Variants in DPP10 observed in about 807,000 individuals in gnomAD.
The protein encoded by DPP10 is dipeptidyl peptidase like 10, also known as inactive dipeptidyl peptidase 10.
In DPP10, 33 loss-of-function variants were observed where a neutral mutation model predicts 120.9. The observed-to-expected ratio is 0.27, with a 90% CI of 0.21 to 0.37. The LOEUF is 0.37. Ranked by LOEUF, DPP10 falls within the 10% of genes least tolerant of loss-of-function variation. The pLI is 1.00. For synonymous variants in DPP10, 337 were observed against 326.1 expected (o/e 1.03, Z -0.36); for missense variants, 816 against 942.8 (o/e 0.87, Z 1.76).
At chr2:115,010,624 A>G (rs193054526) in intron 1 of DPP10, among the ~76,000 whole-genome samples, 1 of 152,348 alleles carries the variant, frequency 6.6e-6, no homozygotes, top group Non-Finnish European at 1.5e-5. Flanking sequence ...TAAGTAGCTC[A>G]ACTGCTGTGA....
chr2:115,371,442 ACAC>A (rs1416038855), intron 3 of DPP10, among the ~76,000 whole-genome samples: 6 of 152,164 alleles, frequency 3.9e-5, no homozygotes, highest in Non-Finnish European at 1.5e-5. Flanking sequence ...TCTTTATAAA[ACAC>A]CACTTGAAGA....
chr2:114,998,888 A>G lies in DPP10; in HGVS notation c.61-310351A>G, dbSNP rs566075468. Among the ~76,000 whole-genome samples, 10 of 152,256 alleles carry G rather than the reference A, an allele frequency of 6.6e-5. No individual in the cohort carries two copies. In the East Asian group the frequency reaches 1.9e-3, roughly 29 times the overall value. ...TTTTGGACCTTTCTTCCATTGTCTCATATCTCTTTCTAACCAGAGCTGGGA... is the reference window on the plus strand; with the variant it reads ...TTTTGGACCTTTCTTCCATTGTCTCGTATCTCTTTCTAACCAGAGCTGGGA... On this transcript the variant is annotated intron_variant, in intron 1 of 25. Transcript: ENST00000410059.
At chr2:114,609,546 G>A (rs935571787) in intron 1 of DPP10, among the ~76,000 whole-genome samples, 1 of 152,120 alleles carries the variant, frequency 6.6e-6, no homozygotes, top group Admixed American at 6.6e-5. Flanking sequence ...GATTTGAAAC[G>A]AGGCAAAAGT....
At chr2:114,600,418 G>T (rs774454800) in intron 1 of DPP10, among the ~76,000 whole-genome samples, 1 of 151,366 alleles carries the variant, frequency 6.6e-6, no homozygotes, top group Non-Finnish European at 1.5e-5. Context: ...ATTTCTATTC[G>T]TTCACTCATT....
chr2:115,235,140 A>G (rs2057932033), intron 1 of DPP10, among the ~76,000 whole-genome samples: 1 of 152,208 alleles, frequency 6.6e-6, no homozygotes, highest in African/African-American at 2.4e-5. Flanking sequence ...CCAAAGGGAA[A>G]GGAAAATTGC....
intron 2 of DPP10, among the ~76,000 whole-genome samples, chr2:115,323,961 C>T (rs2062202063): frequency 6.6e-6 from 1 of 152,084 alleles, no homozygotes; most frequent in Non-Finnish European, 1.5e-5. Context: ...CCTTGGCTTC[C>T]ACAGAATGTC....
At chr2:115,662,030 C>T (rs1240948419) in intron 5 of DPP10, among the ~76,000 whole-genome samples, 4 of 152,116 alleles carry the variant, frequency 2.6e-5, no homozygotes, top group Non-Finnish European at 5.9e-5. Context: ...TTCCCCCTCC[C>T]CTCAGCTCCT....
chr2:115,309,969 T>A (rs898004080), intron 2 of DPP10, among the ~76,000 whole-genome samples: 3 of 152,134 alleles, frequency 2.0e-5, no homozygotes, highest in African/African-American at 7.2e-5. Flanking sequence ...ATCATTGTGC[T>A]TCTTTCTGGG....
At chr2:115,172,244 C>T (rs572827045) in intron 1 of DPP10, among the ~76,000 whole-genome samples, 7 of 152,000 alleles carry the variant, frequency 4.6e-5, no homozygotes, top group Non-Finnish European at 5.9e-5. Context: ...CTCCCCCGGG[C>T]GTGGTGGTGG....
At chr2:114,745,548 C>T (rs1678501642) in intron 1 of DPP10, among the ~76,000 whole-genome samples, 1 of 151,884 alleles carries the variant, frequency 6.6e-6, no homozygotes, top group Non-Finnish European at 1.5e-5. Context: ...TGGCTGCCCT[C>T]TAGAAATTTT....
intron 1 of DPP10, among the ~76,000 whole-genome samples, chr2:114,515,162 G>A (rs899477151): frequency 6.6e-6 from 1 of 152,114 alleles, no homozygotes; most frequent in African/African-American, 2.4e-5. Context: ...TTCATCTCAC[G>A]ATCAGGTTTA....
At chr2:115,124,368 T>A (rs565742091) in intron 1 of DPP10, among the ~76,000 whole-genome samples, 1 of 152,314 alleles carries the variant, frequency 6.6e-6, no homozygotes, top group East Asian at 1.9e-4. Context: ...TCTCCAGCCA[T>A]ATCTTTGCTA....
intron 1 of DPP10, among the ~76,000 whole-genome samples, chr2:115,123,677 A>G (rs1475840130): frequency 6.6e-6 from 1 of 152,002 alleles, no homozygotes. Flanking sequence ...ACCAATTATT[A>G]TTTTAGAGAG....
intron 5 of DPP10, among the ~76,000 whole-genome samples, chr2:115,638,966 A>G (rs1392357862): frequency 1.6e-4 from 24 of 152,186 alleles, no homozygotes; most frequent in Admixed American, 1.6e-3. Flanking sequence ...AGCATGCTCT[A>G]CTGCCAAAGT....
At chr2:114,750,412 CA>C (rs1052790316) in intron 1 of DPP10, among the ~76,000 whole-genome samples, 31 of 152,076 alleles carry the variant, frequency 2.0e-4, no homozygotes, top group African/African-American at 7.2e-4. Context: ...TGGCTCACTG[CA>C]AACTCTGCCT....
At chr2:115,376,526 C>A (rs1370199243) in intron 3 of DPP10, among the ~76,000 whole-genome samples, 2 of 150,538 alleles carry the variant, frequency 1.3e-5, no homozygotes, top group African/African-American at 4.9e-5. Context: ...TCTAATAGTC[C>A]CTTTCTTTTT....
At chr2:115,798,290 T>C (rs1371870992) in intron 19 of DPP10, among the ~76,000 whole-genome samples, 1 of 152,034 alleles carries the variant, frequency 6.6e-6, no homozygotes, top group Non-Finnish European at 1.5e-5. Flanking sequence ...TAATTAGTTA[T>C]TTGTTTTTAA....
intron 1 of DPP10, among the ~76,000 whole-genome samples, chr2:115,120,928 A>C (rs2049789981): frequency 6.6e-6 from 1 of 152,204 alleles, no homozygotes; most frequent in Non-Finnish European, 1.5e-5. Flanking sequence ...TCCTTCTGTT[A>C]AGAAGTTATG....
intron 10 of DPP10, among the ~76,000 whole-genome samples, chr2:115,750,399 T>A (rs1228684929): frequency 1.3e-5 from 2 of 152,192 alleles, no homozygotes; most frequent in Non-Finnish European, 2.9e-5. Context: ...TTTGGCTATC[T>A]CCAACACCTT....
Sources: allele counts gnomAD v4.1 joint callset (sites outside exome capture counted in the v4.1 genomes callset), GRCh38; gene constraint gnomAD v4.1.1; transcripts MANE v1.5; gene names NCBI Gene and HGNC (gene_info 2026-07-23, HGNC 2026-07-21).